ARRB1: variants seen among roughly 807,000 people sequenced by gnomAD.
ARRB1 encodes the protein beta-arrestin-1.
ARRB1 carries 21 observed loss-of-function variants against 56.8 expected under a neutral mutation model. The ratio of observed to expected loss-of-function variants is 0.37; its 90% CI spans 0.26 to 0.53. The LOEUF is 0.53. Among genes scored for constraint, ARRB1 ranks in the 20% least tolerant of loss-of-function variants. The pLI, the probability that ARRB1 is intolerant of heterozygous loss-of-function variation, is 0.88. For missense variants in ARRB1, 424 were observed against 553.7 expected, an observed-to-expected ratio of 0.77 and a Z score of 2.35; for synonymous variants, 210 against 218.6, an observed-to-expected ratio of 0.96 and a Z score of 0.35.
intron 1 of ARRB1, among the ~76,000 whole-genome samples, chr11:75,296,203 A>AAAAAAAAGAGT (rs1946744866): frequency 6.6e-6 from 1 of 151,864 alleles, no homozygotes; most frequent in African/African-American, 2.4e-5. Flanking sequence ...AAAAAAAAAA[A>AAAAAAAAGAGT]AAAAGAGTAT....
chr11:75,317,815 G>A (rs1294133650), intron 1 of ARRB1, among the ~76,000 whole-genome samples: 1 of 152,208 alleles, frequency 6.6e-6, no homozygotes, highest in African/African-American at 2.4e-5. Context: ...CTGCACAGAT[G>A]AGGACAGCGA....
rs147833380 is a variant in ARRB1 at position 75,302,505 on chromosome 11, C to T, written c.21-12466G>A. 1.7e-3 allele frequency among the ~76,000 whole-genome samples: 264 copies of T among 152,336 alleles called. 1 individual carries two copies. Among genetic ancestry groups the T allele is most frequent in the African/African-American group, 5.9e-3 (244 of 41,574 alleles). ...TGGATACCAAAGAGCCCACAGACTG[C>T]GCCTGAGCGCTGCCCAGCCTTCCTG... On this transcript the variant is annotated intron_variant, in intron 1 of 15. Coordinates refer to ENST00000420843, the MANE Select transcript of ARRB1 (RefSeq NM_004041.5).
chr11:75,308,025 T>A (rs897232708), intron 1 of ARRB1, among the ~76,000 whole-genome samples: 1 of 152,138 alleles, frequency 6.6e-6, no homozygotes, highest in Non-Finnish European at 1.5e-5. Context: ...CTGGCTAAAG[T>A]GGAATAAAGC....
intron 1 of ARRB1, among the ~76,000 whole-genome samples, chr11:75,315,731 C>T (rs146795326): frequency 6.6e-6 from 1 of 152,300 alleles, no homozygotes; most frequent in Non-Finnish European, 1.5e-5. Flanking sequence ...GTGAGAGAGA[C>T]ACCTGGTCAC....
intron 10 of ARRB1, among the ~76,000 whole-genome samples, chr11:75,276,173 T>C (rs977841744): frequency 6.6e-6 from 1 of 151,644 alleles, no homozygotes; most frequent in East Asian, 1.9e-4. Context: ...TGTAAAATTA[T>C]ATCAGGTATA....
chr11:75,351,097 C>A (rs1947842721), intron 1 of ARRB1, among the ~76,000 whole-genome samples: 1 of 152,202 alleles, frequency 6.6e-6, no homozygotes, highest in Non-Finnish European at 1.5e-5. Flanking sequence ...CACGTGTGTG[C>A]CAGCACGAGG....
chr11:75,312,291 G>T, intron 1 of ARRB1: 1 of 532,798 alleles, frequency 1.9e-6, no homozygotes, highest in Non-Finnish European at 3.1e-6. Context: ...CAGGGACAGG[G>T]CTCAAGTCTG....
chr11:75,281,189 C>T (rs1405304486), intron 6 of ARRB1, 47 bp from the exon 7 acceptor site: 7 of 1,532,312 alleles, frequency 4.6e-6, no homozygotes, highest in East Asian at 2.3e-5. Context: ...GAAGCAGGGT[C>T]CCCAGTACAC....
At chr11:75,280,613 CCCTGGATGGGTTCACTATCTCCACTTCCT>C in intron 7 of ARRB1, among the ~76,000 whole-genome samples, 1 of 152,356 alleles carries the variant, frequency 6.6e-6, no homozygotes, top group South Asian at 2.1e-4. Context: ...TGTCACTCTC[CCCTGGATGGGTTCACTATCTCCACTTCCT>C]CCTCACTTAG....
intron 1 of ARRB1, among the ~76,000 whole-genome samples, chr11:75,332,715 T>C (rs1947540615): frequency 1.3e-5 from 2 of 152,078 alleles, no homozygotes; most frequent in African/African-American, 4.8e-5. Context: ...GCCAATATGG[T>C]GAAACCCCGT....
chr11:75,331,576 G>A (rs954431086), intron 1 of ARRB1, among the ~76,000 whole-genome samples: 5 of 150,568 alleles, frequency 3.3e-5, no homozygotes, highest in South Asian at 4.2e-4. Flanking sequence ...AAGCTCCCCC[G>A]CTGAACACCT....
rs1473669307 is a variant in ARRB1 at position 75,265,949 on chromosome 11, G to A, written c.*214C>T. The A allele has an allele frequency of 1.8e-6, 1 of 567,202 alleles. No homozygotes were observed. The highest frequency in any genetic ancestry group is 3.1e-5 in the Admixed American group (1 of 32,566). The allele number at this position is 567,202 out of a possible 1,614,324, so 35.1% of individuals were successfully genotyped here. A position where few individuals can be genotyped will look rare whatever the true frequency, so the allele number is the denominator to read the frequency against. ...GGAGGGGAGTGGAGATGGCAGAGATGGGGTGGAGCCAGTGCGCTGTGGTCC... is the reference window on the plus strand; with the variant it reads ...GGAGGGGAGTGGAGATGGCAGAGATAGGGTGGAGCCAGTGCGCTGTGGTCC... On this transcript the variant is annotated 3_prime_UTR_variant, in exon 16 of 16. Coordinates refer to ENST00000420843, the MANE Select transcript of ARRB1 (RefSeq NM_004041.5).
chr11:75,263,615 CAGGGGCTGGGACTGACCCATCTCT>C lies in ARRB1; in HGVS notation c.*2524_*2547del, dbSNP rs1378358980. Among the ~76,000 whole-genome samples, 1 of 152,130 alleles carries C rather than the reference CAGGGGCTGGGACTGACCCATCTCT, an allele frequency of 6.6e-6. No individual in the cohort carries two copies. The highest frequency in any genetic ancestry group is 1.5e-5 in the Non-Finnish European group (1 of 68,030). ...TCCCTGACCATGGGCTTCCTGAGGA[CAGGGGCTGGGACTGACCCATCTCT>C]GTGGCTCCAGTACTTGGCATAGAGC... On this transcript the variant is annotated 3_prime_UTR_variant, in exon 16 of 16. Transcript: ENST00000420843.
chr11:75,281,209 A>T, intron 6 of ARRB1, 67 bp from the exon 7 acceptor site: 1 of 1,454,152 alleles, frequency 6.9e-7, no homozygotes, highest in Non-Finnish European at 9.4e-7. Flanking sequence ...CAGCCAGCCC[A>T]CCTCTCATTT....
chr11:75,286,920 A>G (rs1946492244), intron 3 of ARRB1, among the ~76,000 whole-genome samples: 1 of 152,046 alleles, frequency 6.6e-6, no homozygotes, highest in Admixed American at 6.6e-5. Context: ...GGGCTCCTCT[A>G]TCTACTCACT....
rs1382704856 is a variant in ARRB1, at chr11:75,281,976, C to T, written c.400G>A (p.Glu134Lys). ...PCSVTLQPGP[E>K]DTGKACGVDY... is the part of the protein sequence containing the mutation. Reference sequence around the variant, plus strand: ...GGGTGACCTACCTTCCCCGTGTCTTCGGGCCCCGGCTGCAGTGTCACAGAA... The same window carrying T: ...GGGTGACCTACCTTCCCCGTGTCTTTGGGCCCCGGCTGCAGTGTCACAGAA... The change falls in exon 6 of 16, where the codon GAA (glutamate) becomes AAA (lysine). Residue 134 changes from glutamate (E) to lysine (K), a missense_variant. Physicochemically the swap from Glu to Lys is moderately conservative, Grantham distance 56 (BLOSUM62 1). This residue lies in a region of ARRB1 where 301 missense variants were observed against 387.9 expected (regional missense o/e 0.78). Transcript: ENST00000420843. 13 of 1,614,120 alleles carry T rather than the reference C, an allele frequency of 8.1e-6. No individual in the cohort carries two copies. Among genetic ancestry groups the T allele is most frequent in the South Asian group, 2.2e-5 (2 of 91,072 alleles).
intron 1 of ARRB1, among the ~76,000 whole-genome samples, chr11:75,298,947 C>A (rs965310890): frequency 1.3e-5 from 2 of 150,990 alleles, no homozygotes; most frequent in South Asian, 4.5e-4. Context: ...GTTAATTTAA[C>A]ATAATTAACA....
At position 75,267,722 on chromosome 11, in the gene ARRB1, G is replaced by A; in HGVS notation, c.1094-19C>T. Reference sequence around the variant, plus strand: ...TCTGGAACTAAACACAGGGTGGGTGGGCAGGGTGTCCAGGGATTAGTGAGT... The same window carrying A: ...TCTGGAACTAAACACAGGGTGGGTGAGCAGGGTGTCCAGGGATTAGTGAGT... On this transcript the variant is annotated intron_variant, in intron 14 of 15. Coordinates refer to ENST00000420843, the MANE Select transcript of ARRB1 (RefSeq NM_004041.5). 1 of 1,521,604 alleles carries A rather than the reference G, an allele frequency of 6.6e-7. No individual in the cohort carries two copies. Among genetic ancestry groups the A allele is most frequent in the Non-Finnish European group, 9.1e-7 (1 of 1,100,324 alleles). 94.3% of individuals were successfully genotyped at this position (1,521,604 alleles called of 1,614,324 possible). A position where few individuals can be genotyped will look rare whatever the true frequency, so the allele number is the denominator to read the frequency against.
Position 75,268,871 on chromosome 11 carries a change from C to A in ARRB1, c.1093+18G>T, listed in dbSNP as rs1946004853. On this transcript the variant is annotated intron_variant, in intron 14 of 15. Coordinates refer to ENST00000420843, the MANE Select transcript of ARRB1 (RefSeq NM_004041.5). Reference sequence around the variant, plus strand: ...TGCTAGAGAACCCCTACCCCAGAGACCTACAGATTCTGCTCACCTTCCCGA... The same window carrying A: ...TGCTAGAGAACCCCTACCCCAGAGAACTACAGATTCTGCTCACCTTCCCGA... The A allele has an allele frequency of 6.2e-7, 1 of 1,608,180 alleles. No individual in the cohort carries two copies. The highest frequency in any genetic ancestry group is 1.7e-5 in the Admixed American group (1 of 57,838).
Sources: allele counts gnomAD v4.1 joint callset (sites outside exome capture counted in the v4.1 genomes callset), GRCh38; gene constraint gnomAD v4.1.1; regional missense constraint gnomAD v4.1.1; transcripts MANE v1.5; gene names NCBI Gene and HGNC (gene_info 2026-07-23, HGNC 2026-07-21).